The following PACSIN2 variants were observed in gnomAD, a reference collection of about 807,000 sequenced individuals.
PACSIN2 encodes protein kinase C and casein kinase substrate in neurons protein 2.
A neutral mutation model predicts 63.8 loss-of-function variants in PACSIN2; 25 were observed. That is an observed-to-expected ratio of 0.39 (90% CI 0.29 to 0.55). PACSIN2 has a LOEUF of 0.55. PACSIN2 is among the 20% of genes least tolerant of loss of function. The pLI is 0.62. For missense variants in PACSIN2, 518 were observed against 646.9 expected (o/e 0.80, Z 2.16); for synonymous variants, 255 against 256.2 (o/e 1.00, Z 0.05).
chr22:42,996,346 A>C (rs1022054019), intron 1 of PACSIN2, among the ~76,000 whole-genome samples: 6 of 151,974 alleles, frequency 3.9e-5, no homozygotes, highest in African/African-American at 1.5e-4. Flanking sequence ...AGCCTGGCCA[A>C]GATGCTGAAA....
intron 1 of PACSIN2, among the ~76,000 whole-genome samples, chr22:42,912,688 C>A (rs1931541564): frequency 6.6e-6 from 1 of 152,214 alleles, no homozygotes; most frequent in African/African-American, 2.4e-5. Context: ...AATCTACAAT[C>A]CAGGCAAGGG....
rs970055260 is a variant in PACSIN2, at chr22:42,943,528, T to C, written c.-77-31371A>G. 4.6e-5 allele frequency among the ~76,000 whole-genome samples: 7 copies of C among 152,342 alleles called. 2 individuals carry two copies. The highest frequency in any genetic ancestry group is 6.5e-5 in the Admixed American group (1 of 15,304). ...TGCCAGCCCTGGAAGTTTTGATTAATACCCTTTATCCAGTCAAGTTCCCTT... is the reference window on the plus strand; with the variant it reads ...TGCCAGCCCTGGAAGTTTTGATTAACACCCTTTATCCAGTCAAGTTCCCTT... On this transcript the variant is annotated intron_variant, in intron 1 of 10. Coordinates refer to ENST00000263246, the MANE Select transcript of PACSIN2 (RefSeq NM_001184970.3).
intron 1 of PACSIN2, among the ~76,000 whole-genome samples, chr22:42,939,793 C>T (rs1933069582): frequency 6.6e-6 from 1 of 152,160 alleles, no homozygotes; most frequent in Non-Finnish European, 1.5e-5. Context: ...GCCTAGTTCT[C>T]AGGGTGAACG....
chr22:42,967,473 C>T (rs1479938098), intron 1 of PACSIN2, among the ~76,000 whole-genome samples: 2 of 152,230 alleles, frequency 1.3e-5, no homozygotes, highest in Non-Finnish European at 2.9e-5. Context: ...GGTAATACAA[C>T]CCCAGAATCA....
chr22:42,885,520 G>A (rs1776509900), intron 5 of PACSIN2, among the ~76,000 whole-genome samples: 1 of 152,120 alleles, frequency 6.6e-6, no homozygotes, highest in African/African-American at 2.4e-5. Context: ...AGGAAGGATG[G>A]AGCGCTTCCC....
chr22:42,892,939 T>A (rs1482465334), intron 3 of PACSIN2, among the ~76,000 whole-genome samples: 1 of 152,214 alleles, frequency 6.6e-6, no homozygotes, highest in African/African-American at 2.4e-5. Context: ...ACAGTGGCAC[T>A]AATAAAGCTA....
chr22:42,979,406 C>G (rs184222785), intron 1 of PACSIN2, among the ~76,000 whole-genome samples: 248 of 151,446 alleles, frequency 1.6e-3, no homozygotes, highest in African/African-American at 5.5e-3. Context: ...CGTCTGTAAT[C>G]CCAGCTACTC....
At chr22:42,982,888 A>AAAAAAAAAAAAAAAAAACAAC (rs759532303) in intron 1 of PACSIN2, among the ~76,000 whole-genome samples, 38 of 105,174 alleles carry the variant, frequency 3.6e-4, no homozygotes, top group Non-Finnish European at 6.5e-4. Context: ...AAAAAAAAAA[A>AAAAAAAAAAAAAAAAAACAAC]AACAACAACA....
At chr22:42,995,713 G>T (rs1021602822) in intron 1 of PACSIN2, among the ~76,000 whole-genome samples, 1 of 152,104 alleles carries the variant, frequency 6.6e-6, no homozygotes, top group African/African-American at 2.4e-5. Context: ...ACCAGACAGA[G>T]GCCTTAAAGC....
intron 1 of PACSIN2, among the ~76,000 whole-genome samples, chr22:42,952,670 T>TA (rs1284582237): frequency 1.3e-5 from 2 of 150,746 alleles, no homozygotes; most frequent in African/African-American, 4.9e-5. Context: ...TTTATTTATT[T>TA]TTTTTTTTTT....
At chr22:42,913,095 T>G (rs1931567748) in intron 1 of PACSIN2, among the ~76,000 whole-genome samples, 1 of 152,196 alleles carries the variant, frequency 6.6e-6, no homozygotes, top group African/African-American at 2.4e-5. Flanking sequence ...TCAGACTACC[T>G]AGGCTTAAAT....
At chr22:42,876,743 G>A in intron 9 of PACSIN2, 145 bp downstream of exon 9, 1 of 977,592 alleles carries the variant, frequency 1.0e-6, no homozygotes, top group Non-Finnish European at 1.6e-6. Context: ...AGCAGGTAGT[G>A]GGCCAGGGTG....
intron 1 of PACSIN2, among the ~76,000 whole-genome samples, chr22:43,011,221 G>A (rs748913590): frequency 1.1e-4 from 16 of 152,224 alleles, no homozygotes; most frequent in Admixed American, 3.9e-4. Context: ...AACTGCCTTC[G>A]TAACTAAGGC....
At chr22:42,877,872 G>C (rs1018331736) in intron 8 of PACSIN2, among the ~76,000 whole-genome samples, 3 of 152,148 alleles carry the variant, frequency 2.0e-5, no homozygotes, top group African/African-American at 4.8e-5. Flanking sequence ...GGCCCCCAAA[G>C]CACTGGATGG....
In PACSIN2 at chr22:42,955,776, T is replaced by C. The variant is rs114235029; in HGVS notation, c.-77-43619A>G. Among the ~76,000 whole-genome samples, 836 of 152,346 alleles carry C rather than the reference T, an allele frequency of 5.5e-3. 6 individuals are homozygous for C. The highest frequency in any genetic ancestry group is 0.018 in the African/African-American group (766 of 41,564). ...AGTGAACCTGAGGTGACCGTCCCTA[T>C]AGATGGGAAAGTAGTAACAAATGTT... On this transcript the variant is annotated intron_variant, in intron 1 of 10. Transcript: ENST00000263246.
At chr22:42,888,120 T>C (rs775572373) in intron 5 of PACSIN2, among the ~76,000 whole-genome samples, 78 of 147,094 alleles carry the variant, frequency 5.3e-4, no homozygotes, top group Non-Finnish European at 1.0e-3. Flanking sequence ...CCTCACCTCC[T>C]CCCTGATCCC....
At chr22:42,953,154 G>C (rs1041582145) in intron 1 of PACSIN2, among the ~76,000 whole-genome samples, 9 of 151,986 alleles carry the variant, frequency 5.9e-5, no homozygotes, top group African/African-American at 2.2e-4. Flanking sequence ...CAAGTTGAGA[G>C]GGCATATGGA....
chr22:42,970,983 C>G (rs1387466696), intron 1 of PACSIN2, among the ~76,000 whole-genome samples: 1 of 152,218 alleles, frequency 6.6e-6, no homozygotes, highest in Non-Finnish European at 1.5e-5. Flanking sequence ...CTGCTACAGC[C>G]TACCCCTGCA....
At position 42,996,409 on chromosome 22, in the gene PACSIN2, G is replaced by A. The variant is rs7285516; in HGVS notation, c.-78+18612C>T. ...TAGCTGGGCATGGTGGCACACGCCC[G>A]TAATCCCAGCTACTGGGAAGGCTGA... On this transcript the variant is annotated intron_variant, in intron 1 of 10. Coordinates refer to ENST00000263246, the MANE Select transcript of PACSIN2 (RefSeq NM_001184970.3). Among the ~76,000 whole-genome samples, 1,098 of 151,958 alleles carry A rather than the reference G, an allele frequency of 7.2e-3. 11 individuals are homozygous for A. The highest frequency in any genetic ancestry group is 0.024 in the African/African-American group (976 of 41,440).
Sources: gnomAD v4.1 joint callset for allele counts (sites outside exome capture counted in the v4.1 genomes callset) on GRCh38, gnomAD v4.1.1 for gene constraint, MANE v1.5 for transcripts, NCBI Gene and HGNC (gene_info 2026-07-23, HGNC 2026-07-21) for gene names.